The following LPP variants were observed in gnomAD, a reference collection of about 807,000 sequenced individuals.
The protein encoded by LPP is LIM domain containing preferred translocation partner in lipoma, also known as lipoma-preferred partner.
In LPP, 38 loss-of-function variants were observed where a neutral mutation model predicts 60.4. The observed-to-expected ratio is 0.63, with a 90% CI of 0.49 to 0.83. The LOEUF (loss-of-function observed/expected upper bound fraction) is 0.83, where lower values mean the gene tolerates loss of function less well. LPP is among the 40% of genes least tolerant of loss of function. LPP has a pLI of 0.00. For missense variants in LPP, 902 were observed against 783.6 expected (o/e 1.15, Z -1.80); for synonymous variants, 328 against 290.8 (o/e 1.13, Z -1.30).
chr3:188,493,299 C>A (rs1246366495), intron 5 of LPP, among the ~76,000 whole-genome samples: 1 of 152,026 alleles, frequency 6.6e-6, no homozygotes, highest in South Asian at 2.1e-4. Flanking sequence ...AAATCTGATG[C>A]CAGTCTGATT....
rs1171697167 is a variant in LPP at position 188,441,621 on chromosome 3, T to C, written c.193+35308T>C. On this transcript the variant is annotated intron_variant, in intron 4 of 11. Transcript: ENST00000617246. Reference sequence around the variant, plus strand: ...TTTCTTTTCTTTTCTTTTTTTTTTTTTTTTTTTTTTTTTTTTTGAGATGGA... The same window carrying C: ...TTTCTTTTCTTTTCTTTTTTTTTTTCTTTTTTTTTTTTTTTTTGAGATGGA... Among the ~76,000 whole-genome samples, 34 of 104,048 alleles carry C rather than the reference T, an allele frequency of 3.3e-4. 1 individual carries two copies. Among genetic ancestry groups the C allele is most frequent in the African/African-American group, 1.4e-3 (34 of 24,072 alleles). 68.3% of individuals were successfully genotyped at this position (104,048 alleles called of 152,430 possible).
At chr3:188,772,433 G>C (rs964995941) in intron 9 of LPP, among the ~76,000 whole-genome samples, 1 of 152,174 alleles carries the variant, frequency 6.6e-6, no homozygotes, top group Non-Finnish European at 1.5e-5. Context: ...ACACACTCCA[G>C]TACTGACAGG....
intron 6 of LPP, among the ~76,000 whole-genome samples, chr3:188,554,687 A>C (rs143437187): frequency 6.6e-6 from 1 of 152,338 alleles, no homozygotes; most frequent in Non-Finnish European, 1.5e-5. Context: ...TTCCAAATCA[A>C]CAAGCCAGTT....
At chr3:188,787,212 G>C (rs1742209989) in intron 9 of LPP, among the ~76,000 whole-genome samples, 1 of 152,098 alleles carries the variant, frequency 6.6e-6, no homozygotes, top group East Asian at 1.9e-4. Flanking sequence ...TATTATTGTT[G>C]GGGGAAACTG....
chr3:188,741,379 T>C (rs913854027), intron 8 of LPP, among the ~76,000 whole-genome samples: 4 of 152,068 alleles, frequency 2.6e-5, no homozygotes, highest in Admixed American at 2.0e-4. Flanking sequence ...GTTCTCCAAC[T>C]TTGTTCCTCT....
At chr3:188,754,016 G>C (rs151301420) in intron 8 of LPP, among the ~76,000 whole-genome samples, 2 of 152,278 alleles carry the variant, frequency 1.3e-5, no homozygotes, top group Admixed American at 6.5e-5. Flanking sequence ...ATTGCATATT[G>C]CTACATTATG....
At chr3:188,781,881 G>A (rs1458557660) in intron 9 of LPP, among the ~76,000 whole-genome samples, 3 of 135,312 alleles carry the variant, frequency 2.2e-5, no homozygotes, top group African/African-American at 8.3e-5. Flanking sequence ...GACAGAGCAA[G>A]ACTCCGTCTC....
intron 4 of LPP, among the ~76,000 whole-genome samples, chr3:188,467,310 AT>A (rs1800732777): frequency 6.6e-6 from 1 of 152,144 alleles, no homozygotes; most frequent in African/African-American, 2.4e-5. Context: ...TTTTAAAAAT[AT>A]GCTGAAATTA....
intron 9 of LPP, among the ~76,000 whole-genome samples, chr3:188,763,960 A>G (rs1733222803): frequency 6.6e-6 from 1 of 152,138 alleles, no homozygotes; most frequent in Non-Finnish European, 1.5e-5. Flanking sequence ...TAATGAAACT[A>G]TATGTTAAAA....
Position 188,524,723 on chromosome 3 carries a change from A to G in LPP, c.365A>G (p.Asp122Gly). 6.2e-7 allele frequency: 1 copy of G among 1,613,832 alleles called. No homozygotes were observed. The highest frequency in any genetic ancestry group is 8.5e-7 in the Non-Finnish European group (1 of 1,179,888). The change falls in exon 6 of 12, where the codon GAC (aspartate) becomes GGC (glycine). Residue 122 changes from aspartate (D) to glycine (G), a missense_variant. Asp to Gly is a moderately conservative substitution (Grantham distance 94). Coordinates refer to ENST00000617246, the MANE Select transcript of LPP (RefSeq NM_001375462.1). Reference sequence around the variant, plus strand: ...CGCTCCAGCCTGGACGCTGAGATTGACTCCTTGACCAGCATCTTGGCTGAC... The same window carrying G: ...CGCTCCAGCCTGGACGCTGAGATTGGCTCCTTGACCAGCATCTTGGCTGAC... ...ERRSSLDAEI[D>G]SLTSILADLE...
chr3:188,864,660 G>A (rs1047362526), intron 9 of LPP, among the ~76,000 whole-genome samples: 8 of 152,220 alleles, frequency 5.3e-5, no homozygotes, highest in Admixed American at 2.6e-4. Flanking sequence ...GGCAAATTGC[G>A]ATACATCTAG....
At chr3:188,389,373 C>T (rs1302478440) in intron 3 of LPP, among the ~76,000 whole-genome samples, 1 of 152,158 alleles carries the variant, frequency 6.6e-6, no homozygotes, top group Non-Finnish European at 1.5e-5. Flanking sequence ...ACTTTTGGCT[C>T]AGTTCTACTT....
chr3:188,640,445 C>A (rs1323992845), intron 7 of LPP, among the ~76,000 whole-genome samples: 2 of 149,122 alleles, frequency 1.3e-5, no homozygotes, highest in Non-Finnish European at 3.0e-5. Flanking sequence ...GTGCAGCGCA[C>A]CAGCATGGCA....
intron 7 of LPP, among the ~76,000 whole-genome samples, chr3:188,652,604 A>C (rs898439158): frequency 6.6e-6 from 1 of 152,148 alleles, no homozygotes. Flanking sequence ...ATATCTGTAG[A>C]CTTAGGCCAG....
intron 7 of LPP, among the ~76,000 whole-genome samples, chr3:188,660,316 G>A (rs2149101196): frequency 6.6e-6 from 1 of 152,200 alleles, no homozygotes; most frequent in South Asian, 2.1e-4. Context: ...CTAAGATCTG[G>A]GGAGCCAATT....
chr3:188,670,144 C>G (rs1485228499), intron 7 of LPP, among the ~76,000 whole-genome samples: 1 of 152,130 alleles, frequency 6.6e-6, no homozygotes, highest in Non-Finnish European at 1.5e-5. Context: ...AGGAGAAATA[C>G]CTAATGTAGC....
At chr3:188,773,184 C>CT (rs1736645516) in intron 9 of LPP, among the ~76,000 whole-genome samples, 2 of 152,102 alleles carry the variant, frequency 1.3e-5, no homozygotes, top group Admixed American at 1.3e-4. Flanking sequence ...ACAGCCAGGG[C>CT]TTACTTAAAA....
At chr3:188,542,516 T>C (rs961631099) in intron 6 of LPP, among the ~76,000 whole-genome samples, 1 of 152,202 alleles carries the variant, frequency 6.6e-6, no homozygotes, top group Non-Finnish European at 1.5e-5. Context: ...TTTTCTAGTC[T>C]CTTGCTTTTT....
chr3:188,822,124 G>A (rs1045593893), intron 9 of LPP, among the ~76,000 whole-genome samples: 4 of 152,060 alleles, frequency 2.6e-5, no homozygotes, highest in Non-Finnish European at 4.4e-5. Flanking sequence ...CCTTGGCACC[G>A]AAAGGGTCTC....
Sources: allele counts gnomAD v4.1 joint callset (sites outside exome capture counted in the v4.1 genomes callset), GRCh38; gene constraint gnomAD v4.1.1; transcripts MANE v1.5; gene names NCBI Gene and HGNC (gene_info 2026-07-23, HGNC 2026-07-21).